The following CPE variants were observed in gnomAD, a reference collection of about 807,000 sequenced individuals.
CPE encodes the protein carbocypeptidase E.
CPE carries 17 observed loss-of-function variants against 53.5 expected under a neutral mutation model. The ratio of observed to expected loss-of-function variants is 0.32; its 90% CI spans 0.22 to 0.48. The LOEUF (loss-of-function observed/expected upper bound fraction) is 0.48. CPE is among the 20% of genes least tolerant of loss of function. The pLI, the probability that CPE is intolerant of heterozygous loss-of-function variation, is 0.99. For missense variants in CPE, 524 were observed against 614.7 expected (o/e 0.85, Z 1.56); for synonymous variants, 226 against 228.8 (o/e 0.99, Z 0.11).
intron 1 of CPE, among the ~76,000 whole-genome samples, chr4:165,445,756 C>CA (rs1485997032): frequency 1.3e-5 from 2 of 151,738 alleles, no homozygotes; most frequent in African/African-American, 4.8e-5. Context: ...TTTTTTTAAG[C>CA]AAAAATATTA....
intron 1 of CPE, chr4:165,405,195 T>A: frequency 2.6e-6 from 2 of 780,468 alleles, no homozygotes; most frequent in Non-Finnish European, 4.7e-6. Flanking sequence ...GTGGCATCTT[T>A]AAGTATAGTC....
At position 165,379,312 on chromosome 4, in the gene CPE, G is replaced by C; in HGVS notation, c.91G>C (p.Gly31Arg). ...CCTGGGCGCCGAAGCCCAGGAGCCCGGGGCGCCCGCGGCGGGCATGAGGCG... is the reference window on the plus strand; with the variant it reads ...CCTGGGCGCCGAAGCCCAGGAGCCCCGGGCGCCCGCGGCGGGCATGAGGCG... ...WLLGAEAQEP[G>R]APAAGMRRRR... The change falls in exon 1 of 9, where the codon GGG (glycine) becomes CGG (arginine). Residue 31 changes from glycine to arginine, a missense_variant. Transcript: ENST00000402744. The surrounding 1 kb of genome is among the most constrained non-coding windows in gnomAD (Gnocchi z 6.0). The C allele has an allele frequency of 6.4e-7, 1 of 1,553,704 alleles. No homozygotes were observed. Among genetic ancestry groups the C allele is most frequent in the Non-Finnish European group, 8.7e-7 (1 of 1,154,978 alleles).
rs2126648451 is a variant in CPE, at chr4:165,379,509, C to T, written c.288C>T (p.Asn96=). The part of the protein sequence containing the change: ...RELLVIELSD[N]PGVHEPGEPE... The stretch of plus-strand genomic sequence containing the variant: ...TCCTGGTCATCGAGCTGTCCGACAA[C>T]CCTGGCGTCCATGAGCCTGGTAAGG... Residue 96 remains asparagine (N), a synonymous_variant, in exon 1 of 9, where the codon AAC becomes AAT. Coordinates refer to ENST00000402744, the MANE Select transcript of CPE (RefSeq NM_001873.4). The surrounding 1 kb of genome is among the most constrained non-coding windows in gnomAD (Gnocchi z 6.0). 2 of 1,591,822 alleles carry T rather than the reference C, an allele frequency of 1.3e-6. No individual in the cohort carries two copies. Among genetic ancestry groups the T allele is most frequent in the South Asian group, 1.1e-5 (1 of 89,190 alleles).
intron 6 of CPE, among the ~76,000 whole-genome samples, chr4:165,491,394 T>C (rs903461404): frequency 2.0e-5 from 3 of 152,204 alleles, no homozygotes; most frequent in Admixed American, 6.5e-5. Flanking sequence ...AGCATCTTTC[T>C]AAGTTTTATT....
chr4:165,419,994 T>C (rs1193363151), intron 1 of CPE, among the ~76,000 whole-genome samples: 1 of 152,190 alleles, frequency 6.6e-6, no homozygotes, highest in African/African-American at 2.4e-5. Flanking sequence ...ATAAAAGATA[T>C]AATAGCTTAT....
At chr4:165,386,731 T>C (rs1473604820) in intron 1 of CPE, among the ~76,000 whole-genome samples, 1 of 152,234 alleles carries the variant, frequency 6.6e-6, no homozygotes, top group Admixed American at 6.5e-5. Context: ...AAGCTGCTTT[T>C]TAAGTGTTAA....
At chr4:165,456,558 C>T (rs201216046) in intron 1 of CPE, among the ~76,000 whole-genome samples, 1 of 99,048 alleles carries the variant, frequency 1.0e-5, no homozygotes, top group South Asian at 2.6e-4. Flanking sequence ...CTCTCTCTTT[C>T]TCTCTCTCTC....
At chr4:165,471,853 G>A (rs1451394343) in intron 3 of CPE, among the ~76,000 whole-genome samples, 2 of 152,180 alleles carry the variant, frequency 1.3e-5, no homozygotes, top group East Asian at 3.8e-4. Flanking sequence ...TTCCTTAAAG[G>A]AGAGCATGCC....
At chr4:165,399,521 G>A (rs762506714) in intron 1 of CPE, among the ~76,000 whole-genome samples, 16 of 152,050 alleles carry the variant, frequency 1.1e-4, no homozygotes, top group Non-Finnish European at 2.4e-4. Flanking sequence ...ACAGGCACAC[G>A]CTAACACACC....
At chr4:165,472,299 G>A (rs992019012) in intron 3 of CPE, among the ~76,000 whole-genome samples, 2 of 152,110 alleles carry the variant, frequency 1.3e-5, no homozygotes, top group African/African-American at 4.8e-5. Context: ...GCATTCAAGA[G>A]TGCCTGCCAG....
chr4:165,475,535 G>A (rs1044608459), intron 3 of CPE, among the ~76,000 whole-genome samples: 6 of 152,224 alleles, frequency 3.9e-5, no homozygotes, highest in Non-Finnish European at 5.9e-5. Context: ...GGCATGTGAC[G>A]TGAAAGCAAA....
chr4:165,392,423 TTAA>T (rs1477982518), intron 1 of CPE, among the ~76,000 whole-genome samples: 2 of 145,936 alleles, frequency 1.4e-5, no homozygotes, highest in Non-Finnish European at 3.0e-5. Context: ...TCTTTGGGTA[TTAA>T]TGAGAGTGGG....
chr4:165,480,790 G>A (rs1732392787), intron 3 of CPE, among the ~76,000 whole-genome samples: 1 of 151,838 alleles, frequency 6.6e-6, no homozygotes, highest in Non-Finnish European at 1.5e-5. Flanking sequence ...ACATGAAAAG[G>A]TGTTCATTAT....
rs111600699 is a variant in CPE at position 165,382,441 on chromosome 4, G to T, written c.307+2913G>T. Among the ~76,000 whole-genome samples, 957 of 152,150 alleles carry T rather than the reference G, an allele frequency of 6.3e-3. 11 individuals carry two copies. Among genetic ancestry groups the T allele is most frequent in the African/African-American group, 0.022 (892 of 41,482 alleles). ...TGATTCAGCTTTAGGAAATAATATT[G>T]AACTTAAGAAATGTGTTTACTTGAC... On this transcript the variant is annotated intron_variant, in intron 1 of 8. Coordinates refer to ENST00000402744, the MANE Select transcript of CPE (RefSeq NM_001873.4).
intron 1 of CPE, among the ~76,000 whole-genome samples, chr4:165,455,451 A>G (rs1423796133): frequency 6.6e-6 from 1 of 152,260 alleles, no homozygotes; most frequent in Non-Finnish European, 1.5e-5. Context: ...AAATAAATGC[A>G]CAAAGGCATT....
At chr4:165,452,024 T>G (rs1731821085) in intron 1 of CPE, among the ~76,000 whole-genome samples, 2 of 152,146 alleles carry the variant, frequency 1.3e-5, no homozygotes, top group East Asian at 3.9e-4. Context: ...GTGCCCTGTT[T>G]GTCTGGGATC....
Position 165,405,984 on chromosome 4 carries a change from G to A in CPE, c.307+26456G>A, listed in dbSNP as rs377691444. On this transcript the variant is annotated intron_variant, in intron 1 of 8. Transcript: ENST00000402744. Reference sequence around the variant, plus strand: ...TTCTCAAATGTTCTCTGTGCTTCTTGTGGTATCTGTGTTACTTCTTGAGGG... The same window carrying A: ...TTCTCAAATGTTCTCTGTGCTTCTTATGGTATCTGTGTTACTTCTTGAGGG... The A allele has an allele frequency of 2.6e-4, 190 of 743,184 alleles. 2 individuals carry two copies. The African/African-American group carries it at 2.8e-3, about 11-fold the overall frequency. The allele number at this position is 743,184 out of a possible 1,614,324, so 46.0% of individuals were successfully genotyped here. A position where few individuals can be genotyped will look rare whatever the true frequency, so the allele number is the denominator to read the frequency against.
At chr4:165,439,185 CAACCAACCA>C (rs1731564272) in intron 1 of CPE, among the ~76,000 whole-genome samples, 1 of 152,124 alleles carries the variant, frequency 6.6e-6, no homozygotes, top group African/African-American at 2.4e-5. Flanking sequence ...ACCGACCAAC[CAACCAACCA>C]AACCAATGTT....
intron 3 of CPE, among the ~76,000 whole-genome samples, chr4:165,473,136 T>G (rs1732237988): frequency 6.6e-6 from 1 of 152,208 alleles, no homozygotes; most frequent in African/African-American, 2.4e-5. Context: ...ACTGTATAAC[T>G]TTTTAAAAAT....
Sources: allele counts gnomAD v4.1 joint callset (sites outside exome capture counted in the v4.1 genomes callset), GRCh38; gene constraint gnomAD v4.1.1; non-coding constraint Gnocchi (gnomAD v3.1); transcripts MANE v1.5; gene names NCBI Gene and HGNC (gene_info 2026-07-23, HGNC 2026-07-21).